The following LIMK1 variants were observed in gnomAD, a reference collection of about 807,000 sequenced individuals.
LIMK1 encodes LIM motif-containing protein kinase.
LIMK1 carries 21 observed loss-of-function variants against 77.6 expected under a neutral mutation model. The ratio of observed to expected loss-of-function variants is 0.27; its 90% CI spans 0.19 to 0.39. The LOEUF (loss-of-function observed/expected upper bound fraction) is 0.39. LIMK1 is among the 10% of genes least tolerant of loss of function. LIMK1 has a pLI of 1.00. For missense variants in LIMK1, 696 were observed against 901.6 expected (o/e 0.77, Z 2.92); for synonymous variants, 358 against 370.0 (o/e 0.97, Z 0.37).
At position 74,096,701 on chromosome 7, in the gene LIMK1, G is replaced by A; in HGVS notation, c.232G>A (p.Ala78Thr). The change falls in exon 3 of 16, where the codon GCC (alanine) becomes ACC (threonine). Residue 78 changes from alanine (A) to threonine (T), a missense_variant. Ala to Thr is a moderately conservative substitution (Grantham distance 58). This residue lies in a region of LIMK1 where 252 missense variants were observed against 279.4 expected (regional missense o/e 0.90). Transcript: ENST00000336180. ...GCTCTTCTGCAAGAAGGACTACTGG[G>A]CCCGCTATGGCGAGTCCTGCCATGG... ...GQLFCKKDYWARYGESCHGCS... is the reference protein window; with the variant it reads ...GQLFCKKDYWTRYGESCHGCS... The A allele has an allele frequency of 1.2e-6, 2 of 1,613,980 alleles. No individual in the cohort carries two copies. The highest frequency in any genetic ancestry group is 1.7e-6 in the Non-Finnish European group (2 of 1,179,978).
chr7:74,092,257 C>T (rs149555715), intron 2 of LIMK1, among the ~76,000 whole-genome samples: 1 of 152,170 alleles, frequency 6.6e-6, no homozygotes, highest in Admixed American at 6.5e-5. Context: ...TGAGCCACTG[C>T]GCACAGGCAG....
chr7:74,112,286 C>G (rs1424488155), intron 12 of LIMK1, among the ~76,000 whole-genome samples: 1 of 152,144 alleles, frequency 6.6e-6, no homozygotes, highest in African/African-American at 2.4e-5. Flanking sequence ...ATGTAAGCTA[C>G]AAAGGACCAG....
chr7:74,113,098 A>C (rs1182755518), intron 12 of LIMK1, among the ~76,000 whole-genome samples: 1 of 152,056 alleles, frequency 6.6e-6, no homozygotes, highest in Non-Finnish European at 1.5e-5. Context: ...AGGCAGGTGG[A>C]TTGCTTGAGC....
chr7:74,095,440 C>T (rs1364800974), intron 2 of LIMK1, among the ~76,000 whole-genome samples: 1 of 152,176 alleles, frequency 6.6e-6, no homozygotes. Context: ...GAGGGTCTTG[C>T]TGTGTCACCC....
chr7:74,121,407 C>T lies in LIMK1; in HGVS notation c.*106C>T. ...GCTGGGACAGTGGGGACCCAGGCTT[C>T]TCCTCAGAGCCAGGCCCTGACTTGC... On this transcript the variant is annotated 3_prime_UTR_variant, in exon 16 of 16. Transcript: ENST00000336180. The T allele has an allele frequency of 8.6e-7, 1 of 1,164,620 alleles. No homozygotes were observed. The highest frequency in any genetic ancestry group is 1.2e-6 in the Non-Finnish European group (1 of 849,054). The allele number at this position is 1,164,620 out of a possible 1,614,324, so 72.1% of individuals were successfully genotyped here.
intron 2 of LIMK1, chr7:74,093,396 CTG>C (rs1799276948): frequency 7.0e-7 from 1 of 1,422,452 alleles, no homozygotes; most frequent in Admixed American, 2.1e-5. Flanking sequence ...GGTCCAGGCT[CTG>C]GGGCAGAACT....
At chr7:74,100,183 G>A (rs1384067149) in intron 5 of LIMK1, among the ~76,000 whole-genome samples, 1 of 152,078 alleles carries the variant, frequency 6.6e-6, no homozygotes, top group African/African-American at 2.4e-5. Flanking sequence ...GCTACAGTGA[G>A]CTATAATTGC....
In LIMK1 at chr7:74,099,051, A is replaced by T. The variant is rs1278844912; in HGVS notation, c.421A>T (p.Thr141Ser). The change falls in exon 5 of 16, where the codon ACT (threonine) becomes TCT (serine). Residue 141 changes from threonine to serine, a missense_variant. Physicochemically the swap from Thr to Ser is moderately conservative, Grantham distance 58 (BLOSUM62 1). This residue lies in a region of LIMK1 where 252 missense variants were observed against 279.4 expected (regional missense o/e 0.90). Coordinates refer to ENST00000336180, the MANE Select transcript of LIMK1 (RefSeq NM_002314.4). The part of the protein sequence containing the change: ...KLYCGHCYYQ[T>S]VVTPVIEQIL... ...TTGCAGCGGGCACTGCTACTACCAG[A>T]CTGTGGTGACCCCCGTCATCGAGCA... is the stretch of plus-strand genomic sequence containing the variant. The T allele has an allele frequency of 6.2e-7, 1 of 1,612,024 alleles. No individual in the cohort carries two copies. Among genetic ancestry groups the T allele is most frequent in the Non-Finnish European group, 8.5e-7 (1 of 1,179,936 alleles).
chr7:74,094,352 A>C (rs1464014468), intron 2 of LIMK1: 1 of 152,270 alleles, frequency 6.6e-6, no homozygotes, highest in African/African-American at 2.4e-5. Flanking sequence ...TTTCTGCGTG[A>C]GCGAGTGAAT....
intron 2 of LIMK1, among the ~76,000 whole-genome samples, chr7:74,094,596 T>TG (rs782333020): frequency 3.9e-5 from 6 of 152,178 alleles, no homozygotes; most frequent in Non-Finnish European, 8.8e-5. Flanking sequence ...GCACCAGGCG[T>TG]GGGGGCTTCT....
At chr7:74,091,035 T>A (rs782534145) in intron 2 of LIMK1, among the ~76,000 whole-genome samples, 124 of 152,202 alleles carry the variant, frequency 8.1e-4, no homozygotes, top group Non-Finnish European at 1.5e-3. Flanking sequence ...TGCCTCAGCC[T>A]CCCAAGTAGC....
intron 1 of LIMK1, 84 bp from the exon 2 acceptor site, chr7:74,085,664 A>C: frequency 1.0e-6 from 1 of 992,262 alleles, no homozygotes; most frequent in Non-Finnish European, 1.5e-6. Context: ...AGGTGTAGGT[A>C]TATGTGGGGT....
chr7:74,115,696 A>G, intron 12 of LIMK1, 106 bp from the exon 13 acceptor site: 2 of 1,239,272 alleles, frequency 1.6e-6, no homozygotes, highest in Non-Finnish European at 1.1e-6. Context: ...TATCAGAGGT[A>G]TGTTCTCTGG....
intron 4 of LIMK1, among the ~76,000 whole-genome samples, chr7:74,098,672 C>T (rs1267833353): frequency 1.3e-5 from 2 of 152,088 alleles, no homozygotes; most frequent in Admixed American, 6.6e-5. Flanking sequence ...CATGGTGAAA[C>T]CGTCTCTACT....
chr7:74,119,667 G>T (rs1799892784), intron 13 of LIMK1, among the ~76,000 whole-genome samples: 1 of 151,554 alleles, frequency 6.6e-6, no homozygotes. Flanking sequence ...CAGCACTTTG[G>T]GAGGCCGAGG....
intron 2 of LIMK1, among the ~76,000 whole-genome samples, chr7:74,094,950 C>G (rs1333356894): frequency 3.3e-5 from 5 of 152,182 alleles, no homozygotes; most frequent in African/African-American, 1.2e-4. Flanking sequence ...TTTTCTGCTC[C>G]CCCTTTACTC....
intron 12 of LIMK1, among the ~76,000 whole-genome samples, chr7:74,113,351 C>A (rs187013973): frequency 2.0e-5 from 3 of 152,088 alleles, no homozygotes; most frequent in Non-Finnish European, 4.4e-5. Flanking sequence ...CAAGGTCAGG[C>A]ACTGTGGCTC....
chr7:74,112,208 C>T (rs1275863691), intron 12 of LIMK1, among the ~76,000 whole-genome samples: 1 of 152,130 alleles, frequency 6.6e-6, no homozygotes, highest in Non-Finnish European at 1.5e-5. Context: ...CTGCCACTGA[C>T]TCATGGTGGA....
intron 2 of LIMK1, among the ~76,000 whole-genome samples, chr7:74,094,614 C>T (rs1799303817): frequency 6.6e-6 from 1 of 152,218 alleles, no homozygotes; most frequent in African/African-American, 2.4e-5. Context: ...TCTGCGAGGG[C>T]AGGACCCAAA....
Sources: allele counts gnomAD v4.1 joint callset (sites outside exome capture counted in the v4.1 genomes callset), GRCh38; gene constraint gnomAD v4.1.1; regional missense constraint gnomAD v4.1.1; transcripts MANE v1.5; gene names NCBI Gene and HGNC (gene_info 2026-07-23, HGNC 2026-07-21).